Variants in STK3 observed in about 807,000 individuals in gnomAD.
STK3 encodes the protein serine/threonine kinase 3.
A neutral mutation model predicts 58.0 loss-of-function variants in STK3; 41 were observed. The ratio of observed to expected loss-of-function variants is 0.71; its 90% confidence interval spans 0.55 to 0.92. The LOEUF is 0.92. STK3 is among the 40% of genes least tolerant of loss of function. The pLI is 0.00. For missense variants in STK3, 479 were observed against 602.7 expected (o/e 0.79, Z 2.15); for synonymous variants, 170 against 191.0 (o/e 0.89, Z 0.91).
intron 4 of STK3, among the ~76,000 whole-genome samples, chr8:98,737,395 T>C (rs1054056259): frequency 6.6e-6 from 1 of 151,780 alleles, no homozygotes; most frequent in Non-Finnish European, 1.5e-5. Context: ...TAAAAAGAGA[T>C]TAAGAGAAAT....
At chr8:98,640,751 A>C (rs1370777529) in intron 6 of STK3, among the ~76,000 whole-genome samples, 1 of 151,752 alleles carries the variant, frequency 6.6e-6, no homozygotes, top group African/African-American at 2.4e-5. Context: ...ACAAATAATA[A>C]GCATAATTAT....
chr8:98,704,282 C>T (rs1825811299), intron 6 of STK3, among the ~76,000 whole-genome samples: 1 of 152,164 alleles, frequency 6.6e-6, no homozygotes, highest in Non-Finnish European at 1.5e-5. Context: ...ATGATCTCAA[C>T]AGCTTCCAAT....
At chr8:98,435,801 A>G (rs988634476) in intron 2 of STK3, among the ~76,000 whole-genome samples, 1 of 152,132 alleles carries the variant, frequency 6.6e-6, no homozygotes, top group African/African-American at 2.4e-5. Flanking sequence ...GGAGGCCTGG[A>G]GGCCAGGCAG....
chr8:98,706,168 C>A (rs529672960), intron 6 of STK3, among the ~76,000 whole-genome samples: 49 of 151,838 alleles, frequency 3.2e-4, no homozygotes, highest in Non-Finnish European at 6.2e-4. Context: ...AACTGAAGAG[C>A]AAAGAGGATT....
intron 3 of STK3, among the ~76,000 whole-genome samples, chr8:98,873,914 G>A (rs926819989): frequency 1.3e-5 from 2 of 152,180 alleles, no homozygotes; most frequent in Non-Finnish European, 2.9e-5. Flanking sequence ...TTGCCCATTA[G>A]TTGATGCAGT....
intron 7 of STK3, among the ~76,000 whole-genome samples, chr8:98,583,879 GAGAC>G (rs1373513878): frequency 2.6e-5 from 4 of 151,696 alleles, no homozygotes; most frequent in Non-Finnish European, 5.9e-5. Context: ...GTGTGTAAGA[GAGAC>G]AGAGAGAAGA....
chr8:98,698,237 T>A (rs912475657), intron 6 of STK3, among the ~76,000 whole-genome samples: 2 of 151,584 alleles, frequency 1.3e-5, no homozygotes, highest in Non-Finnish European at 2.9e-5. Flanking sequence ...TCCATCCTTT[T>A]ATTTTGAGCC....
chr8:98,596,087 T>C lies in STK3; in HGVS notation c.767A>G (p.Lys256Arg). Residue 256 changes from lysine to arginine, a missense_variant, in exon 7 of 11, where the codon AAA becomes AGA. Lys to Arg is a conservative substitution (Grantham distance 26). Around this residue, in one of 3 missense-constraint regions of STK3, gnomAD observed 309 missense variants for 355.7 expected, o/e 0.87. Transcript: ENST00000419617. ...CTCAGGATTCTTCACCAAACACTTT[T>C]TAACAAAATCGGTGAAATCATCGGA... ...LWSDDFTDFV[K>R]KCLVKNPEQR... The C allele has an allele frequency of 6.2e-7, 1 of 1,613,412 alleles. No individual in the cohort carries two copies. The highest frequency in any genetic ancestry group is 8.5e-7 in the Non-Finnish European group (1 of 1,179,672).
chr8:98,423,744 C>G (rs1051527555), intron 3 of STK3, among the ~76,000 whole-genome samples: 11 of 152,308 alleles, frequency 7.2e-5, no homozygotes, highest in Non-Finnish European at 1.3e-4. Flanking sequence ...AGGCAGCTCC[C>G]TCAGCCAAGC....
chr8:98,913,261 T>G (rs1020113455), intron 1 of STK3, among the ~76,000 whole-genome samples: 1 of 152,194 alleles, frequency 6.6e-6, no homozygotes, highest in African/African-American at 2.4e-5. Context: ...AAATTAAAAA[T>G]GACTTGCAAA....
At chr8:98,407,711 T>C (rs552600199) in intron 3 of STK3, among the ~76,000 whole-genome samples, 1 of 127,642 alleles carries the variant, frequency 7.8e-6, no homozygotes, top group East Asian at 2.5e-4. Flanking sequence ...CTCAGATGAG[T>C]GCATGTGTGT....
intron 10 of STK3, among the ~76,000 whole-genome samples, chr8:98,458,659 T>C (rs903834564): frequency 6.6e-6 from 1 of 152,132 alleles, no homozygotes; most frequent in South Asian, 2.1e-4. Context: ...TGGGAGGTGA[T>C]TGGATCATGG....
At chr8:98,845,098 C>T (rs1341432277) in intron 3 of STK3, among the ~76,000 whole-genome samples, 2 of 152,268 alleles carry the variant, frequency 1.3e-5, no homozygotes, top group African/African-American at 2.4e-5. Context: ...TGCCTCGATT[C>T]TATGGCTACA....
chr8:98,744,418 C>A (rs927137767), intron 4 of STK3, among the ~76,000 whole-genome samples: 2 of 151,846 alleles, frequency 1.3e-5, no homozygotes, highest in African/African-American at 2.4e-5. Context: ...ATAATGAGTT[C>A]ATGTCCTTTG....
chr8:98,689,960 T>C (rs1285417944), intron 6 of STK3, among the ~76,000 whole-genome samples: 6 of 152,134 alleles, frequency 3.9e-5, no homozygotes, highest in African/African-American at 1.4e-4. Flanking sequence ...ATCATCTCAA[T>C]AGACACAGAA....
At chr8:98,821,265 C>T (rs529527976) in intron 1 of STK3, among the ~76,000 whole-genome samples, 13 of 152,204 alleles carry the variant, frequency 8.5e-5, no homozygotes, top group Admixed American at 3.9e-4. Flanking sequence ...CTAGGTTGCA[C>T]GCTCCTTATG....
chr8:98,614,925 G>A (rs1817551324), intron 6 of STK3, among the ~76,000 whole-genome samples: 1 of 152,218 alleles, frequency 6.6e-6, no homozygotes, highest in Non-Finnish European at 1.5e-5. Flanking sequence ...GGTAAACAAA[G>A]CAGCCAGGAA....
chr8:98,594,581 G>A lies in STK3; in HGVS notation c.822+1451C>T, dbSNP rs1815637946. Among the ~76,000 whole-genome samples the A allele has an allele frequency of 2.6e-5, 4 of 151,942 alleles. No homozygotes were observed. The South Asian group carries it at 8.3e-4, about 32-fold the overall frequency. On this transcript the variant is annotated intron_variant, in intron 7 of 10. Transcript: ENST00000419617. ...ACTGCACTCTAGCCTGGGTGACAGA[G>A]TGAGATACCATCTCAAAAAAATAAA...
chr8:98,617,954 C>A (rs1817907469), intron 6 of STK3, among the ~76,000 whole-genome samples: 1 of 152,198 alleles, frequency 6.6e-6, no homozygotes, highest in Non-Finnish European at 1.5e-5. Flanking sequence ...TCCTCCCTAA[C>A]TCATTTTAGG....
Sources: gnomAD v4.1 joint callset for allele counts (sites outside exome capture counted in the v4.1 genomes callset) on GRCh38, gnomAD v4.1.1 for gene constraint, gnomAD v4.1.1 regional missense constraint, MANE v1.5 for transcripts, NCBI Gene and HGNC (gene_info 2026-07-23, HGNC 2026-07-21) for gene names.